Variants in NCOA3 observed in about 807,000 individuals in gnomAD.
NCOA3 encodes nuclear receptor coactivator 3.
A neutral mutation model predicts 158.8 loss-of-function variants in NCOA3; 51 were observed. That is an observed-to-expected ratio of 0.32 (90% CI 0.26 to 0.41). The LOEUF is 0.41. Ranked by LOEUF, NCOA3 falls within the 10% of genes least tolerant of loss-of-function variation. NCOA3 has a pLI of 1.00. For synonymous variants in NCOA3, 537 were observed against 592.4 expected (o/e 0.91, Z 1.36); for missense variants, 1,510 against 1,746.6 (o/e 0.86, Z 2.41).
intron 1 of NCOA3, among the ~76,000 whole-genome samples, chr20:47,555,487 A>G (rs1480927574): frequency 6.6e-6 from 1 of 152,074 alleles, no homozygotes; most frequent in East Asian, 1.9e-4. Flanking sequence ...TTCCATTGTC[A>G]GTATTCTGTG....
At chr20:47,555,001 A>G (rs1196593082) in intron 1 of NCOA3, among the ~76,000 whole-genome samples, 2 of 152,220 alleles carry the variant, frequency 1.3e-5, no homozygotes, top group Non-Finnish European at 2.9e-5. Context: ...TACTGGTACC[A>G]AAACAGAGAT....
chr20:47,525,928 C>T (rs565035011), intron 1 of NCOA3, among the ~76,000 whole-genome samples: 1 of 148,462 alleles, frequency 6.7e-6, no homozygotes, highest in African/African-American at 2.5e-5. Flanking sequence ...GGCGGCTGGC[C>T]GGGCGGGGGG....
chr20:47,606,650 C>CCAAT (rs2085952510), intron 2 of NCOA3, among the ~76,000 whole-genome samples: 1 of 152,178 alleles, frequency 6.6e-6, no homozygotes. Context: ...CTTCTGCCTG[C>CCAAT]CAAAGTATGA....
chr20:47,598,208 C>G (rs2085794971), intron 2 of NCOA3, among the ~76,000 whole-genome samples: 1 of 135,904 alleles, frequency 7.4e-6, no homozygotes, highest in East Asian at 2.2e-4. Flanking sequence ...GATCACGCCA[C>G]TGCACTCCAG....
intron 1 of NCOA3, among the ~76,000 whole-genome samples, chr20:47,562,288 T>A (rs1198088897): frequency 6.6e-6 from 1 of 152,202 alleles, no homozygotes; most frequent in Non-Finnish European, 1.5e-5. Context: ...TGATTGCTGG[T>A]TAGAATATGT....
chr20:47,586,919 G>T (rs1318035332), intron 2 of NCOA3, among the ~76,000 whole-genome samples: 1 of 152,168 alleles, frequency 6.6e-6, no homozygotes, highest in African/African-American at 2.4e-5. Context: ...TGATCCCTTG[G>T]CCAAGGTGTT....
chr20:47,575,594 A>G (rs2085361538), intron 1 of NCOA3, among the ~76,000 whole-genome samples: 1 of 152,218 alleles, frequency 6.6e-6, no homozygotes, highest in African/African-American at 2.4e-5. Flanking sequence ...ACACTTCTGT[A>G]TATTTGCTTA....
At chr20:47,579,220 C>T (rs564729321) in intron 1 of NCOA3, among the ~76,000 whole-genome samples, 1 of 152,242 alleles carries the variant, frequency 6.6e-6, no homozygotes, top group Non-Finnish European at 1.5e-5. Flanking sequence ...ATCTTCCTGC[C>T]TCAGCCTCCT....
chr20:47,653,591 G>A lies in NCOA3; in HGVS notation c.*174G>A. 1.3e-6 allele frequency: 1 copy of A among 753,822 alleles called. No homozygotes were observed. Among genetic ancestry groups the A allele is most frequent in the Non-Finnish European group, 2.2e-6 (1 of 451,596 alleles). 46.7% of individuals were successfully genotyped at this position (753,822 alleles called of 1,614,324 possible). ...GAGCAGGACTGGATTTTAAGCCGAA[G>A]GGCAATATCTACGTGTTTTTCCCCC... On this transcript the variant is annotated 3_prime_UTR_variant, in exon 23 of 23. Coordinates refer to ENST00000371998, the MANE Select transcript of NCOA3 (RefSeq NM_181659.3).
At chr20:47,521,069 C>T (rs2084324267) in intron 1 of NCOA3, among the ~76,000 whole-genome samples, 1 of 152,228 alleles carries the variant, frequency 6.6e-6, no homozygotes, top group African/African-American at 2.4e-5. Flanking sequence ...GCTTCTCCTT[C>T]CTTGGTGTGT....
chr20:47,511,546 T>TACATAC (rs1347188795), intron 1 of NCOA3, among the ~76,000 whole-genome samples: 1 of 29,174 alleles, frequency 3.4e-5, no homozygotes, highest in African/African-American at 6.5e-5. Context: ...TATATATATA[T>TACATAC]ATATATATAT....
chr20:47,645,351 A>G (rs147802093), intron 17 of NCOA3, among the ~76,000 whole-genome samples: 50 of 151,876 alleles, frequency 3.3e-4, no homozygotes, highest in African/African-American at 1.1e-3. Context: ...TCATTTCAGC[A>G]CCATGCTCTG....
chr20:47,640,676 C>T (rs982671061), intron 16 of NCOA3, among the ~76,000 whole-genome samples: 9 of 146,830 alleles, frequency 6.1e-5, no homozygotes, highest in African/African-American at 1.8e-4. Context: ...GTCAGGAGAT[C>T]GAGACTATCC....
rs2086571236 is a variant in NCOA3 at position 47,639,615 on chromosome 20, T to C, written c.2746T>C (p.Ser916Pro). 1 of 1,613,720 alleles carries C rather than the reference T, an allele frequency of 6.2e-7. No homozygotes were observed. Among genetic ancestry groups the C allele is most frequent in the African/African-American group, 1.3e-5 (1 of 74,906 alleles). ...AAATGTGACTGTGACTCAGACTCCTTCCTCAGGAGACTGGGGCTTACCAAA... is the reference window on the plus strand; with the variant it reads ...AAATGTGACTGTGACTCAGACTCCTCCCTCAGGAGACTGGGGCTTACCAAA... Reference protein sequence around the residue: ...NRNVTVTQTPSSGDWGLPNSK... With the variant: ...NRNVTVTQTPPSGDWGLPNSK... The change falls in exon 15 of 23, where the codon TCC becomes CCC. Residue 916 changes from serine to proline, a missense_variant. By Grantham distance (74) the Ser-to-Pro change is moderately conservative. This residue lies in a region of NCOA3 where 1,017 missense variants were observed against 1,098.3 expected (regional missense o/e 0.93). Transcript: ENST00000371998.
intron 22 of NCOA3, 50 bp downstream of exon 22, chr20:47,653,122 G>A (rs566569392): frequency 1.9e-6 from 3 of 1,593,934 alleles, no homozygotes; most frequent in African/African-American, 2.7e-5. Context: ...TTGTTCTCTG[G>A]ATAGAACTAA....
At chr20:47,618,515 TG>T (rs1239248686) in intron 2 of NCOA3, among the ~76,000 whole-genome samples, 5 of 152,030 alleles carry the variant, frequency 3.3e-5, no homozygotes, top group Non-Finnish European at 7.4e-5. Context: ...CCACCACGTT[TG>T]GCTAATTTTG....
At chr20:47,525,812 G>T (rs1191237073) in intron 1 of NCOA3, among the ~76,000 whole-genome samples, 1 of 108,782 alleles carries the variant, frequency 9.2e-6, no homozygotes, top group Admixed American at 8.9e-5. Flanking sequence ...GGGCAGAGGG[G>T]CTCCTCACTT....
At chr20:47,574,480 AT>A in intron 1 of NCOA3, among the ~76,000 whole-genome samples, 1 of 147,696 alleles carries the variant, frequency 6.8e-6, no homozygotes, top group South Asian at 2.1e-4. Flanking sequence ...GCTACTATGT[AT>A]ATTTTGATTT....
At chr20:47,578,040 A>T (rs903442875) in intron 1 of NCOA3, among the ~76,000 whole-genome samples, 10 of 152,186 alleles carry the variant, frequency 6.6e-5, no homozygotes, top group Admixed American at 6.5e-4. Flanking sequence ...AGATTGTTAT[A>T]AATGTCTTAC....
Sources: gnomAD v4.1 joint callset for allele counts (sites outside exome capture counted in the v4.1 genomes callset) on GRCh38, gnomAD v4.1.1 for gene constraint, gnomAD v4.1.1 regional missense constraint, MANE v1.5 for transcripts, NCBI Gene and HGNC (gene_info 2026-07-23, HGNC 2026-07-21) for gene names.